Variants in MTOR observed in about 807,000 individuals in gnomAD.
MTOR encodes mechanistic target of rapamycin kinase, also known as serine/threonine-protein kinase mTOR.
A neutral mutation model predicts 319.8 loss-of-function variants in MTOR; 70 were observed. The observed-to-expected ratio is 0.22, with a 90% CI of 0.18 to 0.27. The LOEUF (loss-of-function observed/expected upper bound fraction) is 0.27. Among genes scored for constraint, MTOR ranks in the 10% least tolerant of loss-of-function variants. The probability of loss-of-function intolerance (pLI) is 1.00; values close to 1 mark genes in which losing one functional copy is unlikely to be tolerated. For missense variants in MTOR, 1,890 were observed against 3,274.4 expected (o/e 0.58, Z 10.32); for synonymous variants, 1,183 against 1,211.4 (o/e 0.98, Z 0.49).
intron 30 of MTOR, among the ~76,000 whole-genome samples, chr1:11,156,304 A>G (rs143707964): frequency 3.5e-4 from 54 of 152,348 alleles, no homozygotes; most frequent in African/African-American, 1.3e-3. Context: ...TTAGTCATTT[A>G]AAACTGCAAT....
At chr1:11,189,758 G>A (rs1214970317) in intron 28 of MTOR, 2 of 1,614,172 alleles carry the variant, frequency 1.2e-6, no homozygotes, top group Admixed American at 3.3e-5. Context: ...GCCAACCTTA[G>A]CAGCCTGCTG....
chr1:11,174,931 T>C (rs866246938), intron 28 of MTOR, among the ~76,000 whole-genome samples: 21 of 152,174 alleles, frequency 1.4e-4, no homozygotes, highest in Non-Finnish European at 2.6e-4. Flanking sequence ...GGAAAAGATC[T>C]GAACACAAAC....
chr1:11,189,772 G>C (rs779217175), intron 28 of MTOR: 1 of 1,614,186 alleles, frequency 6.2e-7, no homozygotes, highest in East Asian at 2.2e-5. Context: ...CCTGCTGAGT[G>C]AACTGAACAA....
chr1:11,166,542 A>T (rs1350350883), intron 29 of MTOR, among the ~76,000 whole-genome samples: 1 of 152,230 alleles, frequency 6.6e-6, no homozygotes, highest in Non-Finnish European at 1.5e-5. Context: ...AACCACAATG[A>T]GATACCATCT....
intron 31 of MTOR, among the ~76,000 whole-genome samples, chr1:11,147,298 C>T (rs573544727): frequency 1.3e-5 from 2 of 152,296 alleles, no homozygotes; most frequent in African/African-American, 4.8e-5. Flanking sequence ...AATATCTTTG[C>T]CTCAGGAGGG....
intron 6 of MTOR, among the ~76,000 whole-genome samples, chr1:11,251,981 T>C (rs1417566236): frequency 6.6e-6 from 1 of 152,178 alleles, no homozygotes; most frequent in Non-Finnish European, 1.5e-5. Context: ...TTACCATTTA[T>C]AGAATGCCCA....
rs187540244 is a variant in MTOR, at chr1:11,164,270, G to A, written c.4329+3172C>T. On this transcript the variant is annotated intron_variant, in intron 29 of 57. Coordinates refer to ENST00000361445, the MANE Select transcript of MTOR (RefSeq NM_004958.4). ...GAATTGCATGAACCTGGGAGGCGGA[G>A]CTTGTAGTGAGCCGAGATCATGCCA... is the stretch of plus-strand genomic sequence containing the variant. 2.7e-3 allele frequency among the ~76,000 whole-genome samples: 406 copies of A among 149,432 alleles called. 4 individuals carry two copies. Among genetic ancestry groups the A allele is most frequent in the Non-Finnish European group, 4.3e-3 (290 of 67,548 alleles).
At chr1:11,126,400 T>G (rs1251500806) in intron 46 of MTOR, among the ~76,000 whole-genome samples, 1 of 152,190 alleles carries the variant, frequency 6.6e-6, no homozygotes, top group Non-Finnish European at 1.5e-5. Flanking sequence ...TCCCTTTATG[T>G]GTGATCATGC....
chr1:11,116,882 C>T, intron 50 of MTOR, 122 bp downstream of exon 50: 1 of 737,140 alleles, frequency 1.4e-6, no homozygotes, highest in Non-Finnish European at 2.3e-6. Context: ...AGAGACCTTA[C>T]ATATACAATA....
chr1:11,240,894 T>C lies in MTOR; in HGVS notation c.1542-347A>G, dbSNP rs114289664. ...GAAGCTTAAGCAACTTGCTCAATAATAATATACACAATATTTGCAAATATT... is the reference window on the plus strand; with the variant it reads ...GAAGCTTAAGCAACTTGCTCAATAACAATATACACAATATTTGCAAATATT... On this transcript the variant is annotated intron_variant, in intron 10 of 57. Coordinates refer to ENST00000361445, the MANE Select transcript of MTOR (RefSeq NM_004958.4). 7.6e-3 allele frequency among the ~76,000 whole-genome samples: 1,153 copies of C among 152,172 alleles called. 13 individuals are homozygous for C. The highest frequency in any genetic ancestry group is 0.025 in the African/African-American group (1,042 of 41,498).
intron 19 of MTOR, among the ~76,000 whole-genome samples, chr1:11,221,843 C>A (rs1646673258): frequency 6.7e-6 from 1 of 150,032 alleles, no homozygotes; most frequent in Admixed American, 6.7e-5. Flanking sequence ...AGTAAATGAC[C>A]AATATTAGTA....
At chr1:11,189,595 C>T (rs1023133912) in intron 28 of MTOR, 4 of 1,608,124 alleles carry the variant, frequency 2.5e-6, no homozygotes, top group Non-Finnish European at 3.4e-6. Context: ...GAAAAAGCCT[C>T]TCTCAGCTGT....
intron 29 of MTOR, among the ~76,000 whole-genome samples, chr1:11,159,484 AC>A (rs1288454801): frequency 3.9e-5 from 6 of 152,054 alleles, no homozygotes; most frequent in African/African-American, 1.4e-4. Context: ...TCTAATAAAA[AC>A]ACAAAATTAG....
intron 13 of MTOR, among the ~76,000 whole-genome samples, chr1:11,235,628 A>G (rs1164043899): frequency 6.6e-6 from 1 of 152,206 alleles, no homozygotes; most frequent in Admixed American, 6.5e-5. Flanking sequence ...CATTCAAAGG[A>G]GCTTCACACT....
At chr1:11,255,763 C>T (rs1650312875) in intron 5 of MTOR, among the ~76,000 whole-genome samples, 1 of 149,422 alleles carries the variant, frequency 6.7e-6, no homozygotes, top group Admixed American at 6.9e-5. Context: ...GAGAAAATCG[C>T]TTGAACCCAA....
chr1:11,234,475 G>A (rs556031087), intron 13 of MTOR, among the ~76,000 whole-genome samples: 4 of 152,234 alleles, frequency 2.6e-5, no homozygotes, highest in South Asian at 2.1e-4. Flanking sequence ...AAAACTATTC[G>A]AAAACCTGCT....
intron 28 of MTOR, among the ~76,000 whole-genome samples, chr1:11,176,660 C>G (rs182641100): frequency 2.0e-5 from 3 of 152,202 alleles, no homozygotes; most frequent in Non-Finnish European, 4.4e-5. Context: ...GCCTGACCAG[C>G]CACACTGAGG....
Position 11,135,933 on chromosome 1 carries a change from G to A in MTOR, c.5131-1467C>T, listed in dbSNP as rs532252847. The stretch of plus-strand genomic sequence containing the variant: ...GTGGATCACCTGAGGTCAGGAGTTC[G>A]AGACCAGCCTGGCCAATATGGTGAA... On this transcript the variant is annotated intron_variant, in intron 36 of 57. Transcript: ENST00000361445. 2.0e-5 allele frequency among the ~76,000 whole-genome samples: 3 copies of A among 148,854 alleles called. No homozygotes were observed. In the South Asian group the frequency reaches 6.5e-4, roughly 32 times the overall value.
At chr1:11,209,240 A>G in intron 25 of MTOR, 72 bp downstream of exon 25, 1 of 1,585,182 alleles carries the variant, frequency 6.3e-7, no homozygotes. Context: ...CCCAGTTTAA[A>G]CAGTTAAAAG....
Sources: allele counts gnomAD v4.1 joint callset (sites outside exome capture counted in the v4.1 genomes callset), GRCh38; gene constraint gnomAD v4.1.1; transcripts MANE v1.5; gene names NCBI Gene and HGNC (gene_info 2026-07-23, HGNC 2026-07-21).